The following CERK variants were observed in gnomAD, a reference collection of about 807,000 sequenced individuals.
CERK encodes acylsphingosine kinase.
Under a neutral mutation model 63.4 loss-of-function variants are expected in CERK, and 39 were observed. The observed-to-expected ratio is 0.61, with a 90% confidence interval of 0.48 to 0.80. The LOEUF is 0.80. CERK is among the 30% of genes least tolerant of loss of function. CERK has a pLI of 0.00. For missense variants in CERK, 670 were observed against 714.1 expected (o/e 0.94, Z 0.70); for synonymous variants, 302 against 280.0 (o/e 1.08, Z -0.78).
chr22:46,691,363 G>A (rs576750872), intron 11 of CERK, among the ~76,000 whole-genome samples: 11 of 152,006 alleles, frequency 7.2e-5, no homozygotes, highest in Non-Finnish European at 1.6e-4. Context: ...ATGAGCCACC[G>A]CATCTGGCCT....
rs2082977317 is a variant in CERK at position 46,737,043 on chromosome 22, C to T, written c.142+964G>A. Among the ~76,000 whole-genome samples, 4 of 152,170 alleles carry T rather than the reference C, an allele frequency of 2.6e-5. No individual in the cohort carries two copies. In the South Asian group the frequency reaches 6.2e-4, roughly 24 times the overall value. On this transcript the variant is annotated intron_variant, in intron 1 of 12. Coordinates refer to ENST00000216264, the MANE Select transcript of CERK (RefSeq NM_022766.6). ...GTGCGGTTGCTCACACCTGTAATCC[C>T]AGCACTTTGAGAGGCTGAGGTGGGC...
rs2146572886 is a variant in CERK, at chr22:46,714,065, G to A, written c.380-1772C>T. ...GTGGGCAGATCACTTGAGGTCAGGT[G>A]TTTGAAACCAGCCTGGGCAACATGG... On this transcript the variant is annotated intron_variant, in intron 3 of 12. Transcript: ENST00000216264. This position sits in a 1 kb window ranked among gnomAD's most constrained non-coding sequence, Gnocchi z 4.4. Among the ~76,000 whole-genome samples the A allele has an allele frequency of 6.6e-6, 1 of 152,282 alleles. No individual in the cohort carries two copies. Among genetic ancestry groups the A allele is most frequent in the Non-Finnish European group, 1.5e-5 (1 of 68,022 alleles).
At position 46,712,200 on chromosome 22, in the gene CERK, A is replaced by G; in HGVS notation, c.473T>C (p.Phe158Ser). The G allele has an allele frequency of 6.2e-7, 1 of 1,614,258 alleles. No homozygotes were observed. The change falls in exon 4 of 13, where the codon TTC (phenylalanine) becomes TCC (serine). Residue 158 changes from phenylalanine (F) to serine (S), a missense_variant. Coordinates refer to ENST00000216264, the MANE Select transcript of CERK (RefSeq NM_022766.6). ...GTCAGTGGTGATGGAGGCTAAGGTG[A>G]ACAGTGGTGCCACTTTTCTTTCATA... ...RIYERKVAPL[F>S]TLASITTDII...
intron 1 of CERK, among the ~76,000 whole-genome samples, chr22:46,737,797 G>A (rs1188176359): frequency 6.6e-6 from 1 of 152,074 alleles, no homozygotes; most frequent in African/African-American, 2.4e-5. Context: ...TTGTCCTCGG[G>A]TTCCCGGAGC....
chr22:46,721,778 T>G lies in CERK; in HGVS notation c.143-763A>C, dbSNP rs559468159. Reference sequence around the variant, plus strand: ...GGCAGAGCCCAAGTGTGGCGCGAACTGGAGTGCAGGGGGAGGAGACAGGGG... The same window carrying G: ...GGCAGAGCCCAAGTGTGGCGCGAACGGGAGTGCAGGGGGAGGAGACAGGGG... On this transcript the variant is annotated intron_variant, in intron 1 of 12. Transcript: ENST00000216264. 2.6e-5 allele frequency among the ~76,000 whole-genome samples: 4 copies of G among 152,146 alleles called. No individual in the cohort carries two copies. In the South Asian group the frequency reaches 8.3e-4, roughly 32 times the overall value.
At chr22:46,694,481 C>T (rs775169588) in intron 9 of CERK, among the ~76,000 whole-genome samples, 49 of 152,076 alleles carry the variant, frequency 3.2e-4, no homozygotes, top group African/African-American at 9.4e-4. Flanking sequence ...AAGGGGAGAG[C>T]GCAGCGTTTC....
chr22:46,722,653 G>A (rs981190520), intron 1 of CERK, among the ~76,000 whole-genome samples: 3 of 149,806 alleles, frequency 2.0e-5, no homozygotes, highest in South Asian at 2.1e-4. Context: ...TCCACCTCCC[G>A]GTTCAAGCGA....
chr22:46,723,850 A>G (rs2082904744), intron 1 of CERK, among the ~76,000 whole-genome samples: 1 of 151,866 alleles, frequency 6.6e-6, no homozygotes, highest in Admixed American at 6.6e-5. Flanking sequence ...GGCGCCTGCC[A>G]CCGCACCCGG....
chr22:46,730,321 T>C (rs1466639087), intron 1 of CERK, among the ~76,000 whole-genome samples: 3 of 151,122 alleles, frequency 2.0e-5, no homozygotes, highest in Non-Finnish European at 2.9e-5. Flanking sequence ...CTCAGAAGGC[T>C]GAGGCACGAG....
rs528715357 is a variant in CERK at position 46,692,775 on chromosome 22, C to T, written c.1126+652G>A. On this transcript the variant is annotated intron_variant, in intron 10 of 12. Transcript: ENST00000216264. ...CAAAGATTAGCTGGGCATGGTGGCA[C>T]ATGCCTGTAGTCCCAGCTACTAGGG... 8.9e-4 allele frequency among the ~76,000 whole-genome samples: 135 copies of T among 151,096 alleles called. 1 individual carries two copies. Among genetic ancestry groups the T allele is most frequent in the African/African-American group, 2.8e-3 (115 of 41,076 alleles).
At position 46,684,496 on chromosome 22, in the gene CERK, AAG is replaced by A. The variant is rs1365093993; in HGVS notation, c.*2636_*2637del. The A allele has an allele frequency of 2.0e-5, 3 of 152,210 alleles. No individual in the cohort carries two copies. Among genetic ancestry groups the A allele is most frequent in the African/African-American group, 7.2e-5 (3 of 41,450 alleles). The allele number at this position is 152,210 out of a possible 1,614,324, so 9.4% of individuals were successfully genotyped here. ...TAATCTTGAAACCAGCAAGATTAGAAAGAGAATGAGGCCATCCTTTCACTCAG... is the reference window on the plus strand; with the variant it reads ...TAATCTTGAAACCAGCAAGATTAGAAAGAATGAGGCCATCCTTTCACTCAG... On this transcript the variant is annotated 3_prime_UTR_variant, in exon 13 of 13. Transcript: ENST00000216264.
intron 12 of CERK, among the ~76,000 whole-genome samples, chr22:46,689,217 C>T (rs958368002): frequency 1.3e-5 from 2 of 152,252 alleles, no homozygotes; most frequent in Non-Finnish European, 2.9e-5. Context: ...CCTCTCCTTC[C>T]CATCCTCGGG....
chr22:46,735,968 A>G (rs1201506948), intron 1 of CERK, among the ~76,000 whole-genome samples: 3 of 152,190 alleles, frequency 2.0e-5, no homozygotes, highest in African/African-American at 7.2e-5. Context: ...ATTGCATGGG[A>G]GAGCACTCCT....
At chr22:46,708,094 T>C in intron 5 of CERK, 106 bp from the exon 6 acceptor site, 1 of 1,302,996 alleles carries the variant, frequency 7.7e-7, no homozygotes, top group Non-Finnish European at 1.0e-6. Flanking sequence ...CACCTGGCCC[T>C]TGGCAGGCAT....
Position 46,686,947 on chromosome 22 carries a change from C to T in CERK, c.*187G>A, listed in dbSNP as rs1021282264. 7.0e-6 allele frequency: 4 copies of T among 574,576 alleles called. No homozygotes were observed. The Admixed American group carries it at 1.2e-4, about 17-fold the overall frequency. The allele number at this position is 574,576 out of a possible 1,614,324, so 35.6% of individuals were successfully genotyped here. A position where few individuals can be genotyped will look rare whatever the true frequency, so the allele number is the denominator to read the frequency against. On this transcript the variant is annotated 3_prime_UTR_variant, in exon 13 of 13. Transcript: ENST00000216264. Reference sequence around the variant, plus strand: ...CGGCGTGGGCTGCAACCCGCAGATGCGTACAGAACTGAAAATGCCAAATAT... The same window carrying T: ...CGGCGTGGGCTGCAACCCGCAGATGTGTACAGAACTGAAAATGCCAAATAT...
intron 8 of CERK, 150 bp downstream of exon 8, chr22:46,699,163 C>T: frequency 1.2e-6 from 1 of 806,658 alleles, no homozygotes; most frequent in Non-Finnish European, 2.0e-6. Context: ...ACGTTCTGGC[C>T]CCGGCACATT....
At chr22:46,701,970 C>CAGG (rs1448002899) in intron 6 of CERK, among the ~76,000 whole-genome samples, 2 of 152,204 alleles carry the variant, frequency 1.3e-5, no homozygotes, top group East Asian at 1.9e-4. Context: ...GACTTGAGGT[C>CAGG]AGGAGTTCGA....
At chr22:46,727,450 T>TGTC (rs1555989239) in intron 1 of CERK, among the ~76,000 whole-genome samples, 7 of 138,890 alleles carry the variant, frequency 5.0e-5, no homozygotes, top group Non-Finnish European at 1.1e-4. Flanking sequence ...CAGCTGTTTC[T>TGTC]TTTTTTTTTT....
At position 46,690,041 on chromosome 22, in the gene CERK, A is replaced by G; in HGVS notation, c.1492T>C (p.Ser498Pro). The G allele has an allele frequency of 1.2e-6, 2 of 1,613,042 alleles. No homozygotes were observed. Among genetic ancestry groups the G allele is most frequent in the Non-Finnish European group, 1.7e-6 (2 of 1,179,970 alleles). The change falls in exon 12 of 13, where the codon TCC (serine) becomes CCC (proline). Residue 498 changes from serine (S) to proline (P), a missense_variant. Physicochemically the swap from Ser to Pro is moderately conservative, Grantham distance 74. Transcript: ENST00000216264. ...AGGACCTCCCCGTCGCAGTTCCAGG[A>G]GCTGTTGGAGACGGTGCAGCAGCAG... ...PSCCCTVSNS[S>P]WNCDGEVLHS... is the part of the protein sequence containing the mutation.
Sources: allele counts gnomAD v4.1 joint callset (sites outside exome capture counted in the v4.1 genomes callset), GRCh38; gene constraint gnomAD v4.1.1; non-coding constraint Gnocchi (gnomAD v3.1); transcripts MANE v1.5; gene names NCBI Gene and HGNC (gene_info 2026-07-23, HGNC 2026-07-21).